Variants in MRPS28 observed in about 807,000 individuals in gnomAD.
MRPS28 encodes mitochondrial ribosomal protein S28.
Under a neutral mutation model 10.8 loss-of-function variants are expected in MRPS28, and 7 were observed. The ratio of observed to expected loss-of-function variants is 0.65; its 90% CI spans 0.37 to 1.22. The LOEUF (loss-of-function observed/expected upper bound fraction) is 1.22. MRPS28 is among the 50% of genes most tolerant of loss of function. The pLI is 0.02. For synonymous variants in MRPS28, 121 were observed against 93.3 expected (o/e 1.30, Z -1.71); for missense variants, 265 against 232.9 (o/e 1.14, Z -0.90).
At chr8:79,973,218 T>C (rs1807682609) in intron 2 of MRPS28, among the ~76,000 whole-genome samples, 1 of 152,220 alleles carries the variant, frequency 6.6e-6, no homozygotes, top group African/African-American at 2.4e-5. Flanking sequence ...TTCCATTTAC[T>C]GGATAAGCTT....
At chr8:79,959,118 G>A (rs1807305387) in intron 2 of MRPS28, among the ~76,000 whole-genome samples, 1 of 151,980 alleles carries the variant, frequency 6.6e-6, no homozygotes, top group Admixed American at 6.6e-5. Context: ...GACTGTACAG[G>A]AATTACGTTA....
intron 1 of MRPS28, among the ~76,000 whole-genome samples, chr8:80,016,696 AAC>A (rs554222759): frequency 1.3e-5 from 2 of 152,250 alleles, no homozygotes; most frequent in African/African-American, 2.4e-5. Flanking sequence ...TCTAACAATT[AAC>A]AGTTTGTTCA....
intron 2 of MRPS28, among the ~76,000 whole-genome samples, chr8:79,935,795 A>C (rs1022723016): frequency 1.3e-5 from 2 of 152,184 alleles, no homozygotes; most frequent in Non-Finnish European, 2.9e-5. Context: ...TACAAATATT[A>C]CATTTTTGTA....
intron 1 of MRPS28, among the ~76,000 whole-genome samples, chr8:80,007,914 A>C (rs1323671434): frequency 1.3e-5 from 2 of 152,164 alleles, no homozygotes; most frequent in East Asian, 3.8e-4. Context: ...CAGAATTGGA[A>C]AAAACTACTT....
At chr8:79,977,781 T>C (rs1389568483) in intron 2 of MRPS28, among the ~76,000 whole-genome samples, 1 of 151,872 alleles carries the variant, frequency 6.6e-6, no homozygotes, top group African/African-American at 2.4e-5. Context: ...TGCAGCACTA[T>C]ACTACAGCCT....
At chr8:80,022,402 C>T (rs1226200000) in intron 1 of MRPS28, among the ~76,000 whole-genome samples, 1 of 152,188 alleles carries the variant, frequency 6.6e-6, no homozygotes, top group Non-Finnish European at 1.5e-5. Flanking sequence ...CTGTTAGGAA[C>T]ATTTCATTTC....
chr8:79,986,512 A>T (rs1451197555), intron 2 of MRPS28, among the ~76,000 whole-genome samples: 2 of 152,236 alleles, frequency 1.3e-5, no homozygotes. Flanking sequence ...ACATGATTGT[A>T]TATCTAGAAA....
chr8:80,000,168 GTGAA>G (rs904120944), intron 2 of MRPS28, among the ~76,000 whole-genome samples: 2 of 152,198 alleles, frequency 1.3e-5, no homozygotes, highest in African/African-American at 4.8e-5. Context: ...GAATGAATGA[GTGAA>G]TGAATGAATG....
intron 1 of MRPS28, among the ~76,000 whole-genome samples, chr8:80,016,235 A>G (rs1809191294): frequency 1.3e-5 from 2 of 152,180 alleles, no homozygotes; most frequent in African/African-American, 2.4e-5. Context: ...ATCTAGGCAT[A>G]TAGTATCATT....
chr8:80,020,903 G>GT (rs149788911), intron 1 of MRPS28, among the ~76,000 whole-genome samples: 1,958 of 151,582 alleles, frequency 0.013, 38 homozygotes, highest in African/African-American at 0.043. Context: ...ATTTCTATTT[G>GT]TTTTTTTTAA....
intron 2 of MRPS28, among the ~76,000 whole-genome samples, chr8:79,928,403 G>A (rs1806361002): frequency 1.3e-5 from 2 of 151,952 alleles, no homozygotes; most frequent in African/African-American, 2.4e-5. Context: ...ACCATAGGTC[G>A]TGTTTGATAT....
chr8:79,934,013 T>C lies in MRPS28; in HGVS notation c.396-14865A>G, dbSNP rs186561425. On this transcript the variant is annotated intron_variant, in intron 2 of 2. Transcript: ENST00000276585. ...TTTTGTTATCAACACCTTTTAATGATTGTGTTTCTTGTTTACTAACTAGAA... is the reference window on the plus strand; with the variant it reads ...TTTTGTTATCAACACCTTTTAATGACTGTGTTTCTTGTTTACTAACTAGAA... Among the ~76,000 whole-genome samples the C allele has an allele frequency of 6.4e-4, 98 of 152,332 alleles. 3 individuals are homozygous for C. The South Asian group carries it at 0.015, about 23-fold the overall frequency.
At chr8:79,937,983 T>C (rs1806646131) in intron 2 of MRPS28, among the ~76,000 whole-genome samples, 1 of 152,208 alleles carries the variant, frequency 6.6e-6, no homozygotes, top group Admixed American at 6.5e-5. Flanking sequence ...TAAAGAAGTA[T>C]TTTCCTAGAA....
intron 2 of MRPS28, among the ~76,000 whole-genome samples, chr8:79,999,672 G>A (rs534703957): frequency 6.6e-6 from 1 of 152,166 alleles, no homozygotes; most frequent in African/African-American, 2.4e-5. Context: ...TAAAGAGCTG[G>A]AGTTGTTATC....
intron 1 of MRPS28, among the ~76,000 whole-genome samples, chr8:80,026,112 A>G (rs1809487830): frequency 1.3e-5 from 2 of 152,190 alleles, no homozygotes; most frequent in Non-Finnish European, 2.9e-5. Flanking sequence ...ATTTGTAAAC[A>G]ATATTTTTTC....
intron 2 of MRPS28, among the ~76,000 whole-genome samples, chr8:79,959,462 T>C (rs1420131160): frequency 6.6e-6 from 1 of 152,148 alleles, no homozygotes; most frequent in Non-Finnish European, 1.5e-5. Context: ...GTTATATATC[T>C]GTTGTATACA....
chr8:79,966,883 G>A (rs1807515918), intron 2 of MRPS28, among the ~76,000 whole-genome samples: 1 of 152,030 alleles, frequency 6.6e-6, no homozygotes, highest in Non-Finnish European at 1.5e-5. Flanking sequence ...CTCTGGCCGG[G>A]CTATTCCAAG....
At chr8:80,026,031 A>G (rs1044024133) in intron 1 of MRPS28, among the ~76,000 whole-genome samples, 1 of 152,238 alleles carries the variant, frequency 6.6e-6, no homozygotes, top group Admixed American at 6.5e-5. Context: ...AGGGACTTTT[A>G]CATTTCACAT....
intron 2 of MRPS28, among the ~76,000 whole-genome samples, chr8:79,978,717 A>AAAAT (rs1319767683): frequency 6.6e-6 from 1 of 152,312 alleles, no homozygotes; most frequent in Non-Finnish European, 1.5e-5. Context: ...AAAACAAAAC[A>AAAAT]AAATAAATAA....
Sources: allele counts gnomAD v4.1 joint callset (sites outside exome capture counted in the v4.1 genomes callset), GRCh38; gene constraint gnomAD v4.1.1; transcripts MANE v1.5; gene names NCBI Gene and HGNC (gene_info 2026-07-23, HGNC 2026-07-21).